Variants in CRMP1 observed in about 807,000 individuals in gnomAD.
The protein encoded by CRMP1 is dihydropyrimidinase-related protein 1.
In CRMP1, 19 loss-of-function variants were observed where a neutral mutation model predicts 68.3. The ratio of observed to expected loss-of-function variants is 0.28; its 90% CI spans 0.19 to 0.41. The LOEUF (loss-of-function observed/expected upper bound fraction) is 0.41. CRMP1 is among the 10% of genes least tolerant of loss of function. CRMP1 has a pLI of 1.00. For missense variants in CRMP1, 791 were observed against 967.4 expected (o/e 0.82, Z 2.42); for synonymous variants, 439 against 399.6 (o/e 1.10, Z -1.18).
chr4:5,885,134 G>A (rs1222431584), intron 1 of CRMP1, among the ~76,000 whole-genome samples: 3 of 152,082 alleles, frequency 2.0e-5, no homozygotes, highest in African/African-American at 7.2e-5. Flanking sequence ...ATGGAAAAAA[G>A]AGGAAGACAC....
chr4:5,824,202 C>T, intron 13 of CRMP1: 1 of 728,798 alleles, frequency 1.4e-6, no homozygotes, highest in Non-Finnish European at 1.7e-6. Context: ...TTTGCAAACT[C>T]CTTGAGAGCT....
intron 1 of CRMP1, among the ~76,000 whole-genome samples, chr4:5,885,222 T>C (rs904879904): frequency 9.2e-5 from 14 of 152,178 alleles, no homozygotes; most frequent in Admixed American, 8.5e-4. Flanking sequence ...GTGATGCCCC[T>C]TCACCTCCCC....
chr4:5,837,011 A>AT, intron 9 of CRMP1, 105 bp from the exon 10 acceptor site: 4 of 1,328,480 alleles, frequency 3.0e-6, no homozygotes, highest in Non-Finnish European at 4.1e-6. Context: ...GAATGAATAG[A>AT]TAAGGAAGCC....
chr4:5,825,329 C>A lies in CRMP1; in HGVS notation c.1969+165G>T. 1 of 985,274 alleles carries A rather than the reference C, an allele frequency of 1.0e-6. No individual in the cohort carries two copies. The highest frequency in any genetic ancestry group is 4.7e-5 in the South Asian group (1 of 21,264). 61.0% of individuals were successfully genotyped at this position (985,274 alleles called of 1,614,324 possible). The stretch of plus-strand genomic sequence containing the variant: ...CCCCTCTGCTTGGTGACCATGCCAG[C>A]CCACTCTGCCCCACCAGTGAGAGCA... On this transcript the variant is annotated intron_variant, in intron 13 of 13. Transcript: ENST00000324989. This position sits in a 1 kb window ranked among gnomAD's most constrained non-coding sequence, Gnocchi z 4.4.
intron 1 of CRMP1, among the ~76,000 whole-genome samples, chr4:5,874,465 C>T (rs1264440621): frequency 6.6e-6 from 1 of 152,194 alleles, no homozygotes; most frequent in Non-Finnish European, 1.5e-5. Context: ...GCACAACCTT[C>T]CCCCAATGGT....
chr4:5,821,046 C>T lies in CRMP1; in HGVS notation c.*714G>A, dbSNP rs1718451020. The T allele has an allele frequency of 6.6e-6, 1 of 152,252 alleles. No individual in the cohort carries two copies. Among genetic ancestry groups the T allele is most frequent in the African/African-American group, 2.4e-5 (1 of 41,464 alleles). 9.4% of individuals were successfully genotyped at this position (152,252 alleles called of 1,614,324 possible). A position where few individuals can be genotyped will look rare whatever the true frequency, so the allele number is the denominator to read the frequency against. On this transcript the variant is annotated 3_prime_UTR_variant, in exon 14 of 14. Coordinates refer to ENST00000324989, the MANE Select transcript of CRMP1 (RefSeq NM_001014809.3). The surrounding 1 kb of genome is among the most constrained non-coding windows in gnomAD (Gnocchi z 4.4). ...GTGTGAACCTGGCTCGGCCTGAAGC[C>T]TAGAGCTGGCTTGAAGAACACACAC...
intron 2 of CRMP1, among the ~76,000 whole-genome samples, chr4:5,864,531 C>T (rs1713838279): frequency 6.6e-6 from 1 of 152,218 alleles, no homozygotes; most frequent in South Asian, 2.1e-4. Flanking sequence ...TGCGCTTTCC[C>T]TGAATCGGTG....
rs911891783 is a variant in CRMP1, at chr4:5,853,283, G to A, written c.821-1814C>T. ...CAAAAATTAGCCGGGTGTGGTGGCAGGTGCCTGTAATCCAAGCTACTTGGG... is the reference window on the plus strand; with the variant it reads ...CAAAAATTAGCCGGGTGTGGTGGCAAGTGCCTGTAATCCAAGCTACTTGGG... On this transcript the variant is annotated intron_variant, in intron 4 of 13. Transcript: ENST00000324989. This position sits in a 1 kb window ranked among gnomAD's most constrained non-coding sequence, Gnocchi z 4.7. 1.3e-5 allele frequency among the ~76,000 whole-genome samples: 2 copies of A among 152,126 alleles called. No individual in the cohort carries two copies. The highest frequency in any genetic ancestry group is 2.9e-5 in the Non-Finnish European group (2 of 68,024).
chr4:5,888,685 G>T lies in CRMP1; in HGVS notation c.381+3904C>A, dbSNP rs1715789191. ...CCCGCCCTGCGCACACGCCCTTGGC[G>T]GGCCCTGGCCTCGCTCTCGCGATCC... On this transcript the variant is annotated intron_variant, in intron 1 of 13. Transcript: ENST00000324989. This position sits in a 1 kb window ranked among gnomAD's most constrained non-coding sequence, Gnocchi z 6.4. 4.3e-6 allele frequency: 4 copies of T among 923,312 alleles called. No homozygotes were observed. In the African/African-American group the frequency reaches 7.3e-5, roughly 17 times the overall value. 57.2% of individuals were successfully genotyped at this position (923,312 alleles called of 1,614,324 possible). A position where few individuals can be genotyped will look rare whatever the true frequency, so the allele number is the denominator to read the frequency against.
Position 5,824,406 on chromosome 4 carries a change from C to T in CRMP1, c.1969+1088G>A, listed in dbSNP as rs75327619. ...GAGGCCTCCTTGATTCATGCCTCCT[C>T]GGCATAATCACTGAATCAGACACTT... On this transcript the variant is annotated intron_variant, in intron 13 of 13. Transcript: ENST00000324989. 2,728 of 985,304 alleles carry T rather than the reference C, an allele frequency of 2.8e-3. 51 individuals are homozygous for T. The African/African-American group carries it at 0.042, about 15-fold the overall frequency. The allele number at this position is 985,304 out of a possible 1,614,324, so 61.0% of individuals were successfully genotyped here.
intron 2 of CRMP1, among the ~76,000 whole-genome samples, chr4:5,864,193 G>A (rs1713810815): frequency 6.6e-6 from 1 of 152,104 alleles, no homozygotes. Flanking sequence ...AGCTCTATAA[G>A]GGGGCCTGGC....
At chr4:5,887,407 C>T in intron 1 of CRMP1, 1 of 985,648 alleles carries the variant, frequency 1.0e-6, no homozygotes, top group African/African-American at 1.7e-5. Flanking sequence ...CAGTGGTCCG[C>T]ATCCCTCAGG....
intron 3 of CRMP1, among the ~76,000 whole-genome samples, chr4:5,856,653 C>T (rs1713086864): frequency 6.6e-6 from 1 of 151,480 alleles, no homozygotes; most frequent in Admixed American, 6.6e-5. Context: ...AACCCATCAC[C>T]ATGACCATCA....
intron 4 of CRMP1, 151 bp from the exon 5 acceptor site, chr4:5,851,620 G>A: frequency 1.3e-6 from 1 of 751,682 alleles, no homozygotes; most frequent in Non-Finnish European, 2.3e-6. Context: ...CCAGCCTGAG[G>A]ATGTGGGCGA....
At chr4:5,864,920 G>T (rs951084111) in intron 2 of CRMP1, among the ~76,000 whole-genome samples, 3 of 112,604 alleles carry the variant, frequency 2.7e-5, no homozygotes, top group African/African-American at 1.0e-4. Flanking sequence ...GGCTGGATTT[G>T]AAATGGTCAA....
rs1240734449 is a variant in CRMP1, at chr4:5,842,618, TCACTCACACA to T, written c.1032+465_1032+474del. On this transcript the variant is annotated intron_variant, in intron 7 of 13. Transcript: ENST00000324989. This position sits in a 1 kb window ranked among gnomAD's most constrained non-coding sequence, Gnocchi z 4.5. ...CTCTCTCACACACACACACACACACTCACTCACACACACACACACGCACTGTCTCTCTCAC... is the reference window on the plus strand; with the variant it reads ...CTCTCTCACACACACACACACACACTCACACACACGCACTGTCTCTCTCAC... 5.1e-5 allele frequency among the ~76,000 whole-genome samples: 7 copies of T among 138,304 alleles called. No individual in the cohort carries two copies. Among genetic ancestry groups the T allele is most frequent in the Admixed American group, 3.5e-4 (5 of 14,132 alleles). The allele number at this position is 138,304 out of a possible 152,430, so 90.7% of individuals were successfully genotyped here.
chr4:5,889,749 G>C lies in CRMP1; in HGVS notation c.381+2840C>G. 6.5e-7 allele frequency: 1 copy of C among 1,534,956 alleles called. No individual in the cohort carries two copies. The highest frequency in any genetic ancestry group is 1.4e-5 in the African/African-American group (1 of 73,132). On this transcript the variant is annotated intron_variant, in intron 1 of 13. Coordinates refer to ENST00000324989, the MANE Select transcript of CRMP1 (RefSeq NM_001014809.3). This position sits in a 1 kb window ranked among gnomAD's most constrained non-coding sequence, Gnocchi z 4.5. ...GCGAGGGTGGCCTAGGCTTGGTACA[G>C]CTCCCCCAGCACTGTGGTTGGGGGC...
chr4:5,862,800 T>G (rs1184878402), intron 2 of CRMP1, among the ~76,000 whole-genome samples: 2 of 152,194 alleles, frequency 1.3e-5, no homozygotes, highest in Non-Finnish European at 2.9e-5. Context: ...ACAAGTACTC[T>G]AATGAGAGGT....
rs138167463 is a variant in CRMP1 at position 5,849,695 on chromosome 4, T to C, written c.883-223A>G. On this transcript the variant is annotated intron_variant, in intron 5 of 13. Coordinates refer to ENST00000324989, the MANE Select transcript of CRMP1 (RefSeq NM_001014809.3). ...AGACCCAAAAGCAGGAAGCTGAGGA[T>C]GGGGCACAACTGGTCCAAGTCACCC... Among the ~76,000 whole-genome samples, 22 of 152,278 alleles carry C rather than the reference T, an allele frequency of 1.4e-4. No homozygotes were observed. The East Asian group carries it at 4.1e-3, about 28-fold the overall frequency.
Sources: gnomAD v4.1 joint callset for allele counts (sites outside exome capture counted in the v4.1 genomes callset) on GRCh38, gnomAD v4.1.1 for gene constraint, Gnocchi (gnomAD v3.1) non-coding constraint, MANE v1.5 for transcripts, NCBI Gene and HGNC (gene_info 2026-07-23, HGNC 2026-07-21) for gene names.